KCP: variants seen among roughly 807,000 people sequenced by gnomAD.
KCP encodes the protein kielin cysteine rich BMP regulator, also known as kielin/chordin-like protein.
Under a neutral mutation model 212.7 loss-of-function variants are expected in KCP, and 194 were observed. That is an observed-to-expected ratio of 0.91 (90% CI 0.81 to 1.03). The LOEUF is 1.03. Among genes scored for constraint, KCP ranks in the 50% least tolerant of loss-of-function variants. The pLI is 0.00. For synonymous variants in KCP, 833 were observed against 865.3 expected, an observed-to-expected ratio of 0.96 and a Z score of 0.65; for missense variants, 2,080 against 2,162.5, an observed-to-expected ratio of 0.96 and a Z score of 0.76.
chr7:128,903,922 A>T, intron 6 of KCP, 102 bp from the exon 7 acceptor site: 1 of 1,362,950 alleles, frequency 7.3e-7, no homozygotes, highest in Non-Finnish European at 1.0e-6. Flanking sequence ...CAGGGCAGGG[A>T]TGGAGGGAGA....
Position 128,886,667 on chromosome 7 carries a change from C to A in KCP, c.2760G>T (p.Trp920Cys). The A allele has an allele frequency of 6.4e-7, 1 of 1,551,606 alleles. No homozygotes were observed. The highest frequency in any genetic ancestry group is 8.7e-7 in the Non-Finnish European group (1 of 1,146,936). Residue 920 changes from tryptophan to cysteine, a missense_variant, in exon 25 of 40, where the codon TGG (tryptophan) becomes TGT (cysteine). Transcript: ENST00000610776. ...CCTCCTGCTATACCTGACAGCGACA[C>A]CACTCACAGCTGCCTGCTGGTCCCT... is the stretch of plus-strand genomic sequence containing the variant. Reference protein sequence around the residue: ...EFEGPAGSCEWCRCQAGQVSC... With the variant: ...EFEGPAGSCECCRCQAGQVSC...
rs373545136 is a variant in KCP at position 128,878,665 on chromosome 7, G to A, written c.4204C>T (p.Arg1402Trp). The part of the protein sequence containing the change: ...EVSVPGSYQG[R>W]TCGLCGNFNG... ...AAGTTCCCACAGAGCCCACAAGTCC[G>A]GCCCTGGTAGGAGCCAGGTACGCTC... The change falls in exon 38 of 40, where the codon CGG (arginine) becomes TGG (tryptophan). Residue 1402 changes from arginine to tryptophan, a missense_variant. Physicochemically the swap from Arg to Trp is moderately radical, Grantham distance 101. Transcript: ENST00000610776. 94 of 1,551,140 alleles carry A rather than the reference G, an allele frequency of 6.1e-5. No individual in the cohort carries two copies. Among genetic ancestry groups the A allele is most frequent in the Admixed American group, 7.8e-5 (4 of 51,000 alleles).
At position 128,887,309 on chromosome 7, in the gene KCP, G is replaced by C; in HGVS notation, c.2513-9C>G. 6.5e-7 allele frequency: 1 copy of C among 1,549,856 alleles called. No individual in the cohort carries two copies. Among genetic ancestry groups the C allele is most frequent in the African/African-American group, 1.4e-5 (1 of 73,036 alleles). ...GCCATGGTAGCGGCATCCTGGCAGAGCGGGGAGTCCAACAGAAGAGCTGCC... is the reference window on the plus strand; with the variant it reads ...GCCATGGTAGCGGCATCCTGGCAGACCGGGGAGTCCAACAGAAGAGCTGCC... On this transcript the variant is annotated splice_polypyrimidine_tract_variant and intron_variant, in intron 22 of 39. Coordinates refer to ENST00000610776, the MANE Select transcript of KCP (RefSeq NM_001366122.1).
At position 128,877,197 on chromosome 7, in the gene KCP, C is replaced by T. The variant is rs907602458; in HGVS notation, c.4733G>A (p.Arg1578Lys). ...GCACTGGCAGCCGGGCACGCAGGGC[C>T]TCACGCAGTGGGCTGCCAGCTCCCC... The part of the protein sequence containing the change: ...PLGELAAHCV[R>K]PCVPGCQCPA... Residue 1578 changes from arginine (R) to lysine (K), a missense_variant, in exon 40 of 40, where the codon AGG becomes AAG. Arg to Lys is a conservative substitution (Grantham distance 26). Transcript: ENST00000610776. 2 of 1,484,584 alleles carry T rather than the reference C, an allele frequency of 1.3e-6. No homozygotes were observed. The highest frequency in any genetic ancestry group is 2.7e-5 in the South Asian group (2 of 73,658). The allele number at this position is 1,484,584 out of a possible 1,614,324, so 92.0% of individuals were successfully genotyped here.
In KCP at chr7:128,892,813, T is replaced by C. The variant is rs896669169; in HGVS notation, c.1421-19A>G. 1 of 1,551,370 alleles carries C rather than the reference T, an allele frequency of 6.4e-7. No homozygotes were observed. The highest frequency in any genetic ancestry group is 8.7e-7 in the Non-Finnish European group (1 of 1,146,886). ...CAGGCACCTGGGTGGGGCAGGCTGG[T>C]CAGGGTGAGCTGGGTAATGCAGGGG... On this transcript the variant is annotated intron_variant, in intron 14 of 39. Coordinates refer to ENST00000610776, the MANE Select transcript of KCP (RefSeq NM_001366122.1).
intron 1 of KCP, among the ~76,000 whole-genome samples, chr7:128,910,175 T>C (rs967423542): frequency 6.6e-6 from 1 of 152,136 alleles, no homozygotes; most frequent in South Asian, 2.1e-4. Context: ...CAAGGAATTG[T>C]CCCGGGTTCC....
rs1794376401 is a variant in KCP at position 128,894,202 on chromosome 7, TCA to T, written c.921_922del (p.Cys307Ter). The T allele has an allele frequency of 3.3e-6, 5 of 1,528,082 alleles. No homozygotes were observed. In the South Asian group the frequency reaches 6.2e-5, roughly 19 times the overall value. The allele number at this position is 1,528,082 out of a possible 1,614,324, so 94.7% of individuals were successfully genotyped here. A position where few individuals can be genotyped will look rare whatever the true frequency, so the allele number is the denominator to read the frequency against. On this transcript the variant is annotated stop_gained and frameshift_variant, in exon 9 of 40. Coordinates refer to ENST00000610776, the MANE Select transcript of KCP (RefSeq NM_001366122.1). LOFTEE classifies it high-confidence loss of function. ...CTCTGCCCTACCCACTGACTCACCA[TCA>T]CACACAGGGCAGCAGGTGCCTGGGA... is the stretch of plus-strand genomic sequence containing the variant.
intron 2 of KCP, among the ~76,000 whole-genome samples, 176 bp from the exon 3 acceptor site, chr7:128,907,629 G>A (rs1274566936): frequency 2.0e-5 from 3 of 152,178 alleles, no homozygotes; most frequent in East Asian, 1.9e-4. Context: ...AGGGGGGCAC[G>A]GGCCCCAATC....
chr7:128,893,132 C>A, intron 13 of KCP, 106 bp downstream of exon 13: 1 of 1,186,668 alleles, frequency 8.4e-7, no homozygotes, highest in South Asian at 1.3e-5. Context: ...TGTAGAATGG[C>A]TAGTGGACTT....
In KCP at chr7:128,889,017, G is replaced by A; in HGVS notation, c.2358C>T (p.Ser786=). The A allele has an allele frequency of 6.6e-7, 1 of 1,523,998 alleles. No individual in the cohort carries two copies. The highest frequency in any genetic ancestry group is 8.8e-7 in the Non-Finnish European group (1 of 1,132,262). 94.4% of individuals were successfully genotyped at this position (1,523,998 alleles called of 1,614,324 possible). A position where few individuals can be genotyped will look rare whatever the true frequency, so the allele number is the denominator to read the frequency against. Residue 786 remains serine (S), a synonymous_variant, in exon 22 of 40, where the codon TCC becomes TCT. Transcript: ENST00000610776. ...DCDGCEYLGE[S]YLSNQEFPDP... Reference sequence around the variant, plus strand: ...CTGGGAACTCCTGGTTACTCAGGTAGGACTCCCCCAGGTACTCACAGCCTT... The same window carrying A: ...CTGGGAACTCCTGGTTACTCAGGTAAGACTCCCCCAGGTACTCACAGCCTT...
At position 128,877,259 on chromosome 7, in the gene KCP, G is replaced by A. The variant is rs1364976198; in HGVS notation, c.4671C>T (p.Pro1557=). ...RGFVFDECGP[P]CPRTCFNQHI... is the part of the protein sequence containing the mutation. ...GCTGATTGAAGCAGGTGCGGGGACA[G>A]GGTGGGCCGCACTCATCAAACACGA... The change falls in exon 40 of 40, where the codon CCC becomes CCT. Residue 1557 remains proline (P), a synonymous_variant. Transcript: ENST00000610776. The A allele has an allele frequency of 6.7e-7, 1 of 1,493,320 alleles. No homozygotes were observed. The highest frequency in any genetic ancestry group is 8.9e-7 in the Non-Finnish European group (1 of 1,122,492). The allele number at this position is 1,493,320 out of a possible 1,614,324, so 92.5% of individuals were successfully genotyped here. A position where few individuals can be genotyped will look rare whatever the true frequency, so the allele number is the denominator to read the frequency against.
In KCP at chr7:128,876,901, C is replaced by G; in HGVS notation, c.*142G>C. ...CTAGAGTTTACTGCTGGTGACTCAA[C>G]ATGGCGGGGGTCTTTGCAGGGCAGG... is the stretch of plus-strand genomic sequence containing the variant. On this transcript the variant is annotated 3_prime_UTR_variant, in exon 40 of 40. Transcript: ENST00000610776. 1 of 967,222 alleles carries G rather than the reference C, an allele frequency of 1.0e-6. No individual in the cohort carries two copies. The highest frequency in any genetic ancestry group is 1.5e-6 in the Non-Finnish European group (1 of 680,046). 59.9% of individuals were successfully genotyped at this position (967,222 alleles called of 1,614,324 possible).
At chr7:128,884,658 A>G (rs1793533558) in intron 28 of KCP, 123 bp downstream of exon 28, 6 of 884,514 alleles carry the variant, frequency 6.8e-6, no homozygotes, top group Non-Finnish European at 8.9e-6. Context: ...GGCCACAGGG[A>G]TACACTCCTT....
At chr7:128,906,902 G>A (rs1291573905) in intron 4 of KCP, among the ~76,000 whole-genome samples, 199 bp downstream of exon 4, 6 of 152,134 alleles carry the variant, frequency 3.9e-5, no homozygotes, top group Admixed American at 3.9e-4. Context: ...GGTCTGAATT[G>A]AGTGGCTTGG....
At chr7:128,894,855 G>A (rs145880204) in intron 8 of KCP, among the ~76,000 whole-genome samples, 2 of 152,334 alleles carry the variant, frequency 1.3e-5, no homozygotes, top group Non-Finnish European at 2.9e-5. Context: ...TGATCCACCT[G>A]TCTTGGTCTC....
At position 128,893,855 on chromosome 7, in the gene KCP, G is replaced by C; in HGVS notation, c.1050C>G (p.Pro350=). 6.4e-7 allele frequency: 1 copy of C among 1,551,322 alleles called. No individual in the cohort carries two copies. The highest frequency in any genetic ancestry group is 8.7e-7 in the Non-Finnish European group (1 of 1,147,000). The change falls in exon 11 of 40, where the codon CCC becomes CCG. Residue 350 remains proline, a synonymous_variant. Coordinates refer to ENST00000610776, the MANE Select transcript of KCP (RefSeq NM_001366122.1). ...CAGGGATCTTGCCTGGGTGTCTGCAGGGCACTGGCGGGCAGGGCAGAGGCT... is the reference window on the plus strand; with the variant it reads ...CAGGGATCTTGCCTGGGTGTCTGCACGGCACTGGCGGGCAGGGCAGAGGCT... ...QCEPLPCPPV[P]CRHPGKIPGQ...
At chr7:128,888,825 C>G in intron 22 of KCP, 38 bp downstream of exon 22, 1 of 1,534,542 alleles carries the variant, frequency 6.5e-7, no homozygotes, top group Middle Eastern at 2.1e-4. Flanking sequence ...ACCCCGGGAG[C>G]CCCAGCAGGG....
intron 4 of KCP, 77 bp from the exon 5 acceptor site, chr7:128,906,440 C>T (rs1326888570): frequency 9.5e-7 from 1 of 1,047,188 alleles, no homozygotes; most frequent in Non-Finnish European, 1.5e-6. Flanking sequence ...AAACCTCAGC[C>T]CAGGCTGGGA....
In KCP at chr7:128,891,067, GC is replaced by G. The variant is rs1794088373; in HGVS notation, c.2001del (p.Gly669AlafsTer85). 7.1e-7 allele frequency: 1 copy of G among 1,413,372 alleles called. No homozygotes were observed. Among genetic ancestry groups the G allele is most frequent in the Admixed American group, 3.2e-5 (1 of 31,148 alleles). The allele number at this position is 1,413,372 out of a possible 1,614,324, so 87.6% of individuals were successfully genotyped here. ...PAAPAPAGCP[R>X]PGAAHARHQE... ...TGGTGGCGGGCGTGGGCCGCGCCGGGCCGTGGGCAGCCGGCGGGGGCTGGGG... is the reference window on the plus strand; with the variant it reads ...TGGTGGCGGGCGTGGGCCGCGCCGGGCGTGGGCAGCCGGCGGGGGCTGGGG... On this transcript the variant is annotated frameshift_variant, in exon 20 of 40. Transcript: ENST00000610776. LOFTEE classifies it high-confidence loss of function.
Sources: allele counts gnomAD v4.1 joint callset (sites outside exome capture counted in the v4.1 genomes callset), GRCh38; gene constraint gnomAD v4.1.1; transcripts MANE v1.5; gene names NCBI Gene and HGNC (gene_info 2026-07-23, HGNC 2026-07-21).